Variants in HLTF observed in about 807,000 individuals in gnomAD.
HLTF encodes DNA-dependent ATPase/E3 ubiquitin-protein ligase HLTF.
HLTF carries 127 observed loss-of-function variants against 129.4 expected under a neutral mutation model. The observed-to-expected ratio is 0.98, with a 90% CI of 0.85 to 1.14. The LOEUF is 1.14. Among genes scored for constraint, HLTF ranks in the 50% most tolerant of loss-of-function variants. The pLI, the probability that HLTF is intolerant of heterozygous loss-of-function variation, is 0.00. For synonymous variants in HLTF, 332 were observed against 388.8 expected (o/e 0.85, Z 1.72); for missense variants, 1,139 against 1,187.1 (o/e 0.96, Z 0.60).
intron 24 of HLTF, among the ~76,000 whole-genome samples, chr3:149,034,076 TTAA>T (rs1559851095): frequency 2.0e-5 from 3 of 152,120 alleles, no homozygotes. Flanking sequence ...AGAAAAAATG[TTAA>T]TAAACAAGAT....
At chr3:149,040,834 T>C (rs1481167659) in intron 20 of HLTF, among the ~76,000 whole-genome samples, 1 of 151,980 alleles carries the variant, frequency 6.6e-6, no homozygotes, top group Non-Finnish European at 1.5e-5. Context: ...ACCTCATAAT[T>C]GACTGAGCTA....
At chr3:149,071,205 C>T in intron 7 of HLTF, 47 bp downstream of exon 7, 2 of 1,231,796 alleles carry the variant, frequency 1.6e-6, no homozygotes, top group African/African-American at 1.5e-5. Flanking sequence ...TCTAGAAAAT[C>T]ATAATCACAA....
At chr3:149,067,525 C>T (rs1423402746) in intron 8 of HLTF, among the ~76,000 whole-genome samples, 1 of 151,738 alleles carries the variant, frequency 6.6e-6, no homozygotes, top group Non-Finnish European at 1.5e-5. Flanking sequence ...GTTTTAGAGA[C>T]AGGGTCTCAC....
Position 149,032,382 on chromosome 3 carries a change from GAA to G in HLTF, c.2878-12_2878-11del. On this transcript the variant is annotated splice_polypyrimidine_tract_variant and intron_variant, in intron 24 of 24. Transcript: ENST00000310053. Reference sequence around the variant, plus strand: ...AGTCCTTTACAATGAACTTTAAAAAGAAAAAAAAAAGTTAAGTAGTTTTTAAG... The same window carrying G: ...AGTCCTTTACAATGAACTTTAAAAAGAAAAAAAAGTTAAGTAGTTTTTAAG... 3.1e-6 allele frequency: 4 copies of G among 1,299,098 alleles called. No homozygotes were observed. The highest frequency in any genetic ancestry group is 4.1e-6 in the Non-Finnish European group (4 of 978,834). 80.5% of individuals were successfully genotyped at this position (1,299,098 alleles called of 1,614,324 possible).
intron 8 of HLTF, among the ~76,000 whole-genome samples, chr3:149,065,480 A>G (rs948083172): frequency 6.6e-6 from 1 of 152,318 alleles, no homozygotes; most frequent in South Asian, 2.1e-4. Context: ...ATCCCCCCTT[A>G]GAGTTAAGTC....
chr3:149,047,314 C>G (rs1716624577), intron 17 of HLTF, among the ~76,000 whole-genome samples: 1 of 152,174 alleles, frequency 6.6e-6, no homozygotes, highest in Non-Finnish European at 1.5e-5. Flanking sequence ...ACAACTTTTG[C>G]TAAGGTCATG....
chr3:149,062,015 GAA>G (rs931221890), intron 10 of HLTF, among the ~76,000 whole-genome samples: 1 of 152,156 alleles, frequency 6.6e-6, no homozygotes, highest in African/African-American at 2.4e-5. Flanking sequence ...AATAAATTCT[GAA>G]GTCAGACTGC....
rs762795085 is a variant in HLTF, at chr3:149,042,221, T to G, written c.2142A>C (p.Gln714His). ...TAAGAAGGTAAGTATGGCAACAAAT[T>G]TGCCGCAGTCTAAGCAAAAGACCCA... ...DVLGLLLRLRQICCHTYLLTN... is the reference protein window; with the variant it reads ...DVLGLLLRLRHICCHTYLLTN... The change falls in exon 19 of 25, where the codon CAA (glutamine) becomes CAC (histidine). Residue 714 changes from glutamine (Q) to histidine (H), a missense_variant. By Grantham distance (24) the Gln-to-His change is conservative. Transcript: ENST00000310053. The G allele has an allele frequency of 1.2e-6, 2 of 1,613,262 alleles. No homozygotes were observed. Among genetic ancestry groups the G allele is most frequent in the Non-Finnish European group, 8.5e-7 (1 of 1,179,318 alleles).
At chr3:149,056,892 G>A (rs1373554672) in intron 13 of HLTF, among the ~76,000 whole-genome samples, 7 of 151,742 alleles carry the variant, frequency 4.6e-5, no homozygotes, top group South Asian at 2.1e-4. Context: ...GGCGGATCAC[G>A]AGGTCAGGAG....
chr3:149,047,128 C>A (rs990571522), intron 17 of HLTF, among the ~76,000 whole-genome samples: 1 of 152,184 alleles, frequency 6.6e-6, no homozygotes, highest in Non-Finnish European at 1.5e-5. Flanking sequence ...TGGCTACCAC[C>A]TTTATAATGA....
chr3:149,039,945 G>A, intron 21 of HLTF, 86 bp downstream of exon 21: 1 of 1,190,764 alleles, frequency 8.4e-7, no homozygotes, highest in Non-Finnish European at 1.2e-6. Context: ...AGGAATGAAA[G>A]CAGAATTACG....
chr3:149,043,466 G>A (rs1313902693), intron 18 of HLTF, among the ~76,000 whole-genome samples: 18 of 144,052 alleles, frequency 1.2e-4, no homozygotes, highest in Admixed American at 8.6e-4. Context: ...GAGAAGGGGG[G>A]AAAAGCCTGG....
At chr3:149,035,088 C>T (rs1715455406) in intron 23 of HLTF, 90 bp from the exon 24 acceptor site, 1 of 960,074 alleles carries the variant, frequency 1.0e-6, no homozygotes, top group Non-Finnish European at 1.7e-6. Flanking sequence ...ATTCATTCAT[C>T]TTTTTCTGAC....
At chr3:149,076,451 T>C (rs1291576510) in intron 2 of HLTF, among the ~76,000 whole-genome samples, 1 of 152,196 alleles carries the variant, frequency 6.6e-6, no homozygotes, top group Non-Finnish European at 1.5e-5. Context: ...GGAGGTACTA[T>C]CATTATTCCC....
intron 10 of HLTF, among the ~76,000 whole-genome samples, chr3:149,061,673 T>C (rs1717961869): frequency 6.6e-6 from 1 of 151,222 alleles, no homozygotes; most frequent in Non-Finnish European, 1.5e-5. Context: ...CCGTTTCTAC[T>C]AAAAATACAA....
rs146155306 is a variant in HLTF at position 149,070,841 on chromosome 3, T to A, written c.894+411A>T. On this transcript the variant is annotated intron_variant, in intron 7 of 24. Coordinates refer to ENST00000310053, the MANE Select transcript of HLTF (RefSeq NM_003071.4). The stretch of plus-strand genomic sequence containing the variant: ...GGGCGGATCACTTGAAGTCAGGAGT[T>A]CAAAACCAGCCTGGCCAACGTGGTA... Among the ~76,000 whole-genome samples, 1,298 of 152,100 alleles carry A rather than the reference T, an allele frequency of 8.5e-3. 20 individuals carry two copies. Among genetic ancestry groups the A allele is most frequent in the African/African-American group, 0.03 (1,228 of 41,484 alleles).
At chr3:149,032,541 G>C (rs1053540649) in intron 24 of HLTF, among the ~76,000 whole-genome samples, 169 bp from the exon 25 acceptor site, 4 of 151,990 alleles carry the variant, frequency 2.6e-5, no homozygotes, top group African/African-American at 9.7e-5. Context: ...TACCCAATAT[G>C]GTTTTCTTAT....
chr3:149,030,186 T>A lies in HLTF; in HGVS notation c.*2034A>T, dbSNP rs969361593. On this transcript the variant is annotated 3_prime_UTR_variant, in exon 25 of 25. Transcript: ENST00000310053. ...AATCCAGTTTTAACCACAAAATTGT[T>A]TGAATCACAAGTGGTAATACAATGT... 1 of 152,212 alleles carries A rather than the reference T, an allele frequency of 6.6e-6. No individual in the cohort carries two copies. The highest frequency in any genetic ancestry group is 1.9e-4 in the East Asian group (1 of 5,204). The allele number at this position is 152,212 out of a possible 1,614,324, so 9.4% of individuals were successfully genotyped here.
At chr3:149,039,991 G>C in intron 21 of HLTF, 40 bp downstream of exon 21, 1 of 1,555,678 alleles carries the variant, frequency 6.4e-7, no homozygotes, top group Non-Finnish European at 8.7e-7. Context: ...TTATATAAAG[G>C]TAAAACAAAT....
Sources: allele counts gnomAD v4.1 joint callset (sites outside exome capture counted in the v4.1 genomes callset), GRCh38; gene constraint gnomAD v4.1.1; transcripts MANE v1.5; gene names NCBI Gene and HGNC (gene_info 2026-07-23, HGNC 2026-07-21).